The following DECR2 variants were observed in gnomAD, a reference collection of about 807,000 sequenced individuals.
DECR2 encodes the protein 2,4-dienoyl-CoA reductase 2, also known as peroxisomal 2,4-dienoyl-CoA reductase [(3E)-enoyl-CoA-producing].
DECR2 carries 34 observed loss-of-function variants against 29.2 expected under a neutral mutation model. The observed-to-expected ratio is 1.16, with a 90% CI of 0.89 to 1.55. The LOEUF is 1.55. Ranked by LOEUF, DECR2 falls within the 40% of genes most tolerant of loss-of-function variation. The pLI is 0.00. For missense variants in DECR2, 485 were observed against 425.3 expected (o/e 1.14, Z -1.23); for synonymous variants, 224 against 182.7 (o/e 1.23, Z -1.82).
intron 3 of DECR2, chr16:407,204 G>C: frequency 7.3e-7 from 1 of 1,368,022 alleles, no homozygotes; most frequent in African/African-American, 1.5e-5. Context: ...GCAGAGGGAG[G>C]ATTCTAGGAC....
intron 2 of DECR2, 90 bp from the exon 3 acceptor site, chr16:406,256 C>T (rs527901330): frequency 3.6e-5 from 51 of 1,404,310 alleles, no homozygotes; most frequent in Middle Eastern, 1.8e-4. Flanking sequence ...CTGGTACTTC[C>T]GCCTGAGAGA....
At position 407,509 on chromosome 16, in the gene DECR2, G is replaced by A. The variant is rs374450652; in HGVS notation, c.286G>A (p.Ala96Thr). ...CCGAGCGCCCCCAGCTGTCATGGCC[G>A]CCGTGGACCAGGCTCTGAAGGAGTT... is the stretch of plus-strand genomic sequence containing the variant. ...DVRAPPAVMA[A>T]VDQALKEFGR... The change falls in exon 4 of 9, where the codon GCC becomes ACC. Residue 96 changes from alanine (A) to threonine (T), a missense_variant. Coordinates refer to ENST00000219481, the MANE Select transcript of DECR2 (RefSeq NM_020664.4). 1.9e-5 allele frequency: 31 copies of A among 1,613,864 alleles called. No individual in the cohort carries two copies. The highest frequency in any genetic ancestry group is 2.2e-5 in the East Asian group (1 of 44,902).
rs11315123 is a variant in DECR2, at chr16:410,578, CT to C, written c.463-112del. On this transcript the variant is annotated intron_variant, in intron 5 of 8. Coordinates refer to ENST00000219481, the MANE Select transcript of DECR2 (RefSeq NM_020664.4). The surrounding 1 kb of genome is among the most constrained non-coding windows in gnomAD (Gnocchi z 4.1). ...CCCGCTCCCTGCCCTGGGCCTCCCC[CT>C]GACGGCCGCCCGCTCCCTGCCCCGG... 0.44 allele frequency: 599,217 copies of C among 1,349,162 alleles called. 174,108 individuals carry two copies. The highest frequency in any genetic ancestry group is 0.55 in the Admixed American group (27,885 of 51,106). 83.6% of individuals were successfully genotyped at this position (1,349,162 alleles called of 1,614,324 possible). A position where few individuals can be genotyped will look rare whatever the true frequency, so the allele number is the denominator to read the frequency against.
In DECR2 at chr16:407,523, T is replaced by A; in HGVS notation, c.300T>A (p.Ala100=). Residue 100 remains alanine (A), a synonymous_variant, in exon 4 of 9, where the codon GCT becomes GCA. Coordinates refer to ENST00000219481, the MANE Select transcript of DECR2 (RefSeq NM_020664.4). The part of the protein sequence containing the change: ...PPAVMAAVDQ[A]LKEFGRIDIL... ...CTGTCATGGCCGCCGTGGACCAGGC[T>A]CTGAAGGAGTTTGGCAGAATCGACA... 6.2e-7 allele frequency: 1 copy of A among 1,614,006 alleles called. No individual in the cohort carries two copies. Among genetic ancestry groups the A allele is most frequent in the Non-Finnish European group, 8.5e-7 (1 of 1,179,922 alleles).
intron 2 of DECR2, 46 bp downstream of exon 2, chr16:405,070 C>T: frequency 6.2e-7 from 1 of 1,609,892 alleles, no homozygotes; most frequent in African/African-American, 1.3e-5. Flanking sequence ...TTCTCCCTGC[C>T]CGGGCCCTGC....
rs749261930 is a variant in DECR2, at chr16:410,440, G to A, written c.462+73G>A. Reference sequence around the variant, plus strand: ...CGTGCGCTCTGTGAGAAGTTCTTCCGGGTGGGTGCCTTGTGCGCTCTGTGA... The same window carrying A: ...CGTGCGCTCTGTGAGAAGTTCTTCCAGGTGGGTGCCTTGTGCGCTCTGTGA... On this transcript the variant is annotated intron_variant, in intron 5 of 8. Transcript: ENST00000219481. The surrounding 1 kb of genome is among the most constrained non-coding windows in gnomAD (Gnocchi z 4.1). The A allele has an allele frequency of 2.6e-4, 405 of 1,579,962 alleles. 1 individual carries two copies. The highest frequency in any genetic ancestry group is 3.1e-4 in the Non-Finnish European group (358 of 1,159,056).
intron 1 of DECR2, chr16:402,819 G>A (rs890523311): frequency 1.3e-5 from 2 of 154,482 alleles, no homozygotes; most frequent in South Asian, 2.1e-4. Flanking sequence ...CCCCGTCTCT[G>A]CTAAAAATAC....
Position 411,485 on chromosome 16 carries a change from G to T in DECR2, c.786G>T (p.Gly262=), listed in dbSNP as rs773076419. The T allele has an allele frequency of 6.2e-6, 10 of 1,613,880 alleles. No homozygotes were observed. In the East Asian group the frequency reaches 2.2e-4, roughly 36 times the overall value. ...GCCCTCTGGCTTCCTACGTGACGGG[G>T]GCCGTGCTGGTGGCCGATGGCGGGG... is the stretch of plus-strand genomic sequence containing the variant. ...LASPLASYVT[G]AVLVADGGAW... Residue 262 remains glycine, a synonymous_variant, in exon 8 of 9, where the codon GGG becomes GGT. Coordinates refer to ENST00000219481, the MANE Select transcript of DECR2 (RefSeq NM_020664.4).
rs956394263 is a variant in DECR2, at chr16:410,109, G to C, written c.338-134G>C. The C allele has an allele frequency of 7.7e-7, 1 of 1,293,786 alleles. No homozygotes were observed. Among genetic ancestry groups the C allele is most frequent in the African/African-American group, 1.5e-5 (1 of 67,182 alleles). 80.1% of individuals were successfully genotyped at this position (1,293,786 alleles called of 1,614,324 possible). A position where few individuals can be genotyped will look rare whatever the true frequency, so the allele number is the denominator to read the frequency against. On this transcript the variant is annotated intron_variant, in intron 4 of 8. Transcript: ENST00000219481. This position sits in a 1 kb window ranked among gnomAD's most constrained non-coding sequence, Gnocchi z 4.1. ...CTGGTCATTTTGGAATTTATCCTAG[G>C]GCATGGGTCTCCTCCCTGTGCCACA...
At chr16:402,536 T>C (rs941754632) in intron 1 of DECR2, among the ~76,000 whole-genome samples, 6 of 152,158 alleles carry the variant, frequency 3.9e-5, no homozygotes, top group Non-Finnish European at 1.5e-5. Flanking sequence ...AGCTCTTCAT[T>C]TTCCTGCAAA....
Position 411,592 on chromosome 16 carries a change from C to G in DECR2, c.*14C>G, listed in dbSNP as rs1299500888. 6.3e-7 allele frequency: 1 copy of G among 1,599,754 alleles called. No individual in the cohort carries two copies. Among genetic ancestry groups the G allele is most frequent in the Non-Finnish European group, 8.5e-7 (1 of 1,171,048 alleles). On this transcript the variant is annotated intron_variant, in intron 8 of 8. Coordinates refer to ENST00000219481, the MANE Select transcript of DECR2 (RefSeq NM_020664.4). ...GCTAAGCTCTAGGTGAGGTACTGCT[C>G]CCGCTTCTTGGGGTCATCTGTGTCC...
At position 410,072 on chromosome 16, in the gene DECR2, G is replaced by A. The variant is rs560660623; in HGVS notation, c.338-171G>A. On this transcript the variant is annotated intron_variant, in intron 4 of 8. Coordinates refer to ENST00000219481, the MANE Select transcript of DECR2 (RefSeq NM_020664.4). The surrounding 1 kb of genome is among the most constrained non-coding windows in gnomAD (Gnocchi z 4.1). ...CTCGGGGACACAGTGCAGCCAGGAC[G>A]CCCGTCTTGCTCTGGTCATTTTGGA... is the stretch of plus-strand genomic sequence containing the variant. 29 of 896,346 alleles carry A rather than the reference G, an allele frequency of 3.2e-5. No individual in the cohort carries two copies. The highest frequency in any genetic ancestry group is 1.1e-4 in the South Asian group (6 of 54,680). 55.5% of individuals were successfully genotyped at this position (896,346 alleles called of 1,614,324 possible).
chr16:405,073 G>T (rs1225226450), intron 2 of DECR2, 49 bp downstream of exon 2: 3 of 1,608,362 alleles, frequency 1.9e-6, no homozygotes, highest in South Asian at 1.1e-5. Context: ...TCCCTGCCCG[G>T]GCCCTGCTGG....
chr16:411,070 C>A lies in DECR2; in HGVS notation c.655C>A (p.Arg219=). The A allele has an allele frequency of 1.3e-6, 2 of 1,539,790 alleles. No homozygotes were observed. Among genetic ancestry groups the A allele is most frequent in the Non-Finnish European group, 8.7e-7 (1 of 1,146,894 alleles). Residue 219 remains arginine, a synonymous_variant, in exon 7 of 9, where the codon CGA becomes AGA. Coordinates refer to ENST00000219481, the MANE Select transcript of DECR2 (RefSeq NM_020664.4). ...GPISGTEGLR[R]LGGPQASLST... is the part of the protein sequence containing the mutation. ...CATCAGTGGCACAGAGGGGCTCCGG[C>A]GACTGGGTAAGGCTCTCAGGGAGCC...
At position 410,336 on chromosome 16, in the gene DECR2, T is replaced by G; in HGVS notation, c.431T>G (p.Val144Gly). 6.2e-7 allele frequency: 1 copy of G among 1,612,564 alleles called. No homozygotes were observed. The highest frequency in any genetic ancestry group is 1.1e-5 in the South Asian group (1 of 91,022). ...MDIDTSGTFN[V>G]SRVLYEKFFR... ...ATCGATACCAGCGGCACCTTCAATG[T>G]GTCTCGTGTGCTCTATGAGAAGTTC... The change falls in exon 5 of 9, where the codon GTG (valine) becomes GGG (glycine). Residue 144 changes from valine to glycine, a missense_variant. Val to Gly is a moderately radical substitution (Grantham distance 109, BLOSUM62 -3). Transcript: ENST00000219481. This position sits in a 1 kb window ranked among gnomAD's most constrained non-coding sequence, Gnocchi z 4.1.
At chr16:407,734 G>GTCTCCGGCCCCA (rs1256723607) in intron 4 of DECR2, among the ~76,000 whole-genome samples, 174 bp downstream of exon 4, 1 of 150,808 alleles carries the variant, frequency 6.6e-6, no homozygotes, top group East Asian at 2.0e-4. Flanking sequence ...CCGGCCCCCT[G>GTCTCCGGCCCCA]TCTCCGGCCC....
intron 1 of DECR2, chr16:402,887 A>T: frequency 3.8e-5 from 9 of 236,766 alleles, no homozygotes; most frequent in Non-Finnish European, 6.2e-5. Context: ...TGGGAGGCTG[A>T]GGCAGGAGAA....
chr16:408,041 G>GCC (rs2054756591), intron 4 of DECR2, among the ~76,000 whole-genome samples: 2 of 18,580 alleles, frequency 1.1e-4, no homozygotes, highest in Admixed American at 5.3e-4. Context: ...CTGTCTCCGG[G>GCC]CCTCTGTCTC....
intron 2 of DECR2, chr16:405,440 C>G (rs2054713367): frequency 9.5e-7 from 1 of 1,055,406 alleles, no homozygotes; most frequent in Non-Finnish European, 1.3e-6. Context: ...CCCTGAGGCC[C>G]CTGCTTTTCA....
Sources: allele counts gnomAD v4.1 joint callset (sites outside exome capture counted in the v4.1 genomes callset), GRCh38; gene constraint gnomAD v4.1.1; non-coding constraint Gnocchi (gnomAD v3.1); transcripts MANE v1.5; gene names NCBI Gene and HGNC (gene_info 2026-07-23, HGNC 2026-07-21).